The following GPM6A variants were observed in gnomAD, a reference collection of about 807,000 sequenced individuals.
The protein encoded by GPM6A is glycoprotein M6A.
Under a neutral mutation model 32.1 loss-of-function variants are expected in GPM6A, and 7 were observed. That is an observed-to-expected ratio of 0.22 (90% confidence interval 0.12 to 0.41). The LOEUF (loss-of-function observed/expected upper bound fraction) is 0.41. Among genes scored for constraint, GPM6A ranks in the 10% least tolerant of loss-of-function variants. The pLI, the probability that GPM6A is intolerant of heterozygous loss-of-function variation, is 1.00. For missense variants in GPM6A, 235 were observed against 347.2 expected (o/e 0.68, Z 2.57); for synonymous variants, 130 against 123.4 (o/e 1.05, Z -0.35).
intron 2 of GPM6A, among the ~76,000 whole-genome samples, chr4:175,674,493 G>T (rs1476434102): frequency 6.6e-6 from 1 of 152,080 alleles, no homozygotes; most frequent in African/African-American, 2.4e-5. Context: ...GTTAAGTAGG[G>T]TAATTATCAT....
At chr4:175,853,504 CTTT>C (rs70962425) in intron 1 of GPM6A, among the ~76,000 whole-genome samples, 5 of 137,648 alleles carry the variant, frequency 3.6e-5, no homozygotes, top group African/African-American at 2.7e-5. Context: ...CAAACAAGTT[CTTT>C]TTTTTTTTTT....
intron 1 of GPM6A, among the ~76,000 whole-genome samples, chr4:175,959,566 T>C (rs1740101219): frequency 6.6e-6 from 1 of 152,092 alleles, no homozygotes; most frequent in Non-Finnish European, 1.5e-5. Context: ...AGAACTGGGA[T>C]GTGGGGATTG....
chr4:175,805,423 A>G (rs1369222814), intron 1 of GPM6A, among the ~76,000 whole-genome samples: 1 of 152,198 alleles, frequency 6.6e-6, no homozygotes, highest in Non-Finnish European at 1.5e-5. Context: ...TTAGCAAAAT[A>G]CTTTAATTGC....
intron 2 of GPM6A, among the ~76,000 whole-genome samples, chr4:175,692,904 T>C (rs1247384462): frequency 6.6e-6 from 1 of 152,144 alleles, no homozygotes; most frequent in Non-Finnish European, 1.5e-5. Flanking sequence ...GGTCTCTTTT[T>C]ACCTTTATAT....
chr4:175,753,169 C>T (rs998120165), intron 1 of GPM6A, among the ~76,000 whole-genome samples: 21 of 151,994 alleles, frequency 1.4e-4, no homozygotes, highest in African/African-American at 2.2e-4. Context: ...GTTCCATGTT[C>T]GATATACTTC....
intron 1 of GPM6A, among the ~76,000 whole-genome samples, chr4:176,000,166 A>C (rs951681258): frequency 6.6e-6 from 1 of 152,120 alleles, no homozygotes; most frequent in Non-Finnish European, 1.5e-5. Context: ...ACTTCCATCT[A>C]AAGAGAGTTC....
chr4:175,933,833 T>C (rs74689910), intron 1 of GPM6A, among the ~76,000 whole-genome samples: 8,427 of 152,176 alleles, frequency 0.055, 710 homozygotes, highest in African/African-American at 0.19. Context: ...CGTGAGCCAC[T>C]GCGCCCGGCC....
chr4:175,854,090 G>T (rs920686281), intron 1 of GPM6A, among the ~76,000 whole-genome samples: 1 of 152,164 alleles, frequency 6.6e-6, no homozygotes. Context: ...AAGTTCTGAG[G>T]ATATAGTTTT....
intron 1 of GPM6A, among the ~76,000 whole-genome samples, chr4:175,779,826 A>C (rs1007488619): frequency 1.3e-5 from 2 of 152,158 alleles, no homozygotes; most frequent in African/African-American, 4.8e-5. Context: ...ATATGAGGGT[A>C]AAATTTTAAA....
At chr4:175,651,245 T>G in intron 4 of GPM6A, among the ~76,000 whole-genome samples, 1 of 152,130 alleles carries the variant, frequency 6.6e-6, no homozygotes, top group East Asian at 1.9e-4. Flanking sequence ...GTGACACATG[T>G]GAAATACTTA....
At chr4:175,841,085 A>G (rs530584929) in intron 1 of GPM6A, among the ~76,000 whole-genome samples, 1 of 152,288 alleles carries the variant, frequency 6.6e-6, no homozygotes, top group Admixed American at 6.5e-5. Flanking sequence ...TCCTAACCTA[A>G]TCTGTCTCTC....
chr4:175,672,609 G>A (rs534065416), intron 3 of GPM6A, among the ~76,000 whole-genome samples: 2 of 151,840 alleles, frequency 1.3e-5, no homozygotes, highest in Non-Finnish European at 2.9e-5. Context: ...TCTATAATTC[G>A]CTATTACTGA....
chr4:175,670,909 G>C (rs946146483), intron 3 of GPM6A, among the ~76,000 whole-genome samples: 1 of 146,422 alleles, frequency 6.8e-6, no homozygotes, highest in Non-Finnish European at 1.5e-5. Context: ...TGTCGCCCAG[G>C]CTGGAGTGCA....
chr4:175,678,884 G>A (rs1157222981), intron 2 of GPM6A, among the ~76,000 whole-genome samples: 1 of 152,108 alleles, frequency 6.6e-6, no homozygotes, highest in African/African-American at 2.4e-5. Flanking sequence ...AAAACAAGTA[G>A]TATGTGGAGC....
intron 1 of GPM6A, among the ~76,000 whole-genome samples, chr4:175,956,951 A>G (rs561376274): frequency 1.9e-4 from 29 of 152,356 alleles, no homozygotes; most frequent in Non-Finnish European, 3.5e-4. Context: ...CAATATTTCA[A>G]TGGGAAAGTA....
chr4:175,747,774 A>C (rs36046779), intron 1 of GPM6A, among the ~76,000 whole-genome samples: 32,930 of 151,964 alleles, frequency 0.22, 3,834 homozygotes, highest in East Asian at 0.25. Context: ...CAATTTCTTA[A>C]AATAAGACAA....
chr4:175,998,968 T>G (rs1452339137), intron 1 of GPM6A, among the ~76,000 whole-genome samples: 1 of 151,962 alleles, frequency 6.6e-6, no homozygotes, highest in East Asian at 1.9e-4. Flanking sequence ...GCTCCATGTC[T>G]TACTGTTCCC....
chr4:175,973,746 T>A (rs1275603594), intron 1 of GPM6A, among the ~76,000 whole-genome samples: 1 of 152,182 alleles, frequency 6.6e-6, no homozygotes. Context: ...TCTAGAAAGA[T>A]AAAATAGCAA....
chr4:175,789,666 T>A (rs1482481612), intron 1 of GPM6A, among the ~76,000 whole-genome samples: 1 of 152,220 alleles, frequency 6.6e-6, no homozygotes, highest in Non-Finnish European at 1.5e-5. Flanking sequence ...TTAACAGTTA[T>A]CTACCGGCCA....
Sources: allele counts gnomAD v4.1 joint callset (sites outside exome capture counted in the v4.1 genomes callset), GRCh38; gene constraint gnomAD v4.1.1; transcripts MANE v1.5; gene names NCBI Gene and HGNC (gene_info 2026-07-23, HGNC 2026-07-21).